The following BORCS5 variants were observed in gnomAD, a reference collection of about 807,000 sequenced individuals.
BORCS5 encodes BLOC-1-related complex subunit 5.
Under a neutral mutation model 22.1 loss-of-function variants are expected in BORCS5, and 17 were observed. That is an observed-to-expected ratio of 0.77 (90% CI 0.53 to 1.15). The LOEUF is 1.15. BORCS5 is among the 50% of genes most tolerant of loss of function. The probability of loss-of-function intolerance (pLI) is 0.00; values close to 1 mark genes in which losing one functional copy is unlikely to be tolerated. For synonymous variants in BORCS5, 117 were observed against 99.8 expected (o/e 1.17, Z -1.03); for missense variants, 247 against 253.2 (o/e 0.98, Z 0.17).
intron 3 of BORCS5, among the ~76,000 whole-genome samples, chr12:12,444,676 A>G (rs1472041851): frequency 6.6e-6 from 1 of 152,210 alleles, no homozygotes; most frequent in Middle Eastern, 3.2e-3. Flanking sequence ...GGCCTGATGC[A>G]AGGTTCCATG....
At chr12:12,438,360 C>CAAAAAAAA (rs57737663) in intron 3 of BORCS5, among the ~76,000 whole-genome samples, 621 of 23,720 alleles carry the variant, frequency 0.026, 26 homozygotes, top group Non-Finnish European at 0.032. Flanking sequence ...GATTTCATCT[C>CAAAAAAAA]AAAAAAAAAA....
intron 3 of BORCS5, among the ~76,000 whole-genome samples, chr12:12,451,828 G>A (rs1362178258): frequency 1.3e-5 from 2 of 151,382 alleles, no homozygotes; most frequent in African/African-American, 4.9e-5. Context: ...TGAGGCAGGA[G>A]AATGGCGTGA....
chr12:12,404,701 G>T (rs1368590268), intron 2 of BORCS5, among the ~76,000 whole-genome samples: 1 of 152,062 alleles, frequency 6.6e-6, no homozygotes, highest in Non-Finnish European at 1.5e-5. Context: ...GTTTTGGTTT[G>T]GTTTTTTGTT....
At chr12:12,426,585 G>A (rs1252504167) in intron 2 of BORCS5, among the ~76,000 whole-genome samples, 1 of 152,218 alleles carries the variant, frequency 6.6e-6, no homozygotes, top group Non-Finnish European at 1.5e-5. Context: ...GAAGGATGAA[G>A]TGCTTTTCAT....
rs546067835 is a variant in BORCS5 at position 12,392,855 on chromosome 12, C to T, written c.202+31506C>T. Among the ~76,000 whole-genome samples the T allele has an allele frequency of 5.3e-5, 8 of 152,142 alleles. No homozygotes were observed. In the East Asian group the frequency reaches 1.2e-3, roughly 22 times the overall value. On this transcript the variant is annotated intron_variant, in intron 2 of 3. Transcript: ENST00000314565. ...TCAAATCCTGTATCTATTTGGCACCCATGTAATATTAGAAGAGGGTTATAT... is the reference window on the plus strand; with the variant it reads ...TCAAATCCTGTATCTATTTGGCACCTATGTAATATTAGAAGAGGGTTATAT...
intron 2 of BORCS5, among the ~76,000 whole-genome samples, chr12:12,365,150 A>G (rs1184809882): frequency 1.3e-5 from 2 of 152,180 alleles, no homozygotes; most frequent in African/African-American, 2.4e-5. Flanking sequence ...AACATTGAGA[A>G]TAGGTGAGGA....
At chr12:12,421,259 A>C (rs1466080613) in intron 2 of BORCS5, among the ~76,000 whole-genome samples, 1 of 152,092 alleles carries the variant, frequency 6.6e-6, no homozygotes, top group African/African-American at 2.4e-5. Flanking sequence ...TTTAGCATGA[A>C]GCGCTGTTGA....
chr12:12,390,105 T>A (rs1177146330), intron 2 of BORCS5, among the ~76,000 whole-genome samples: 1 of 152,126 alleles, frequency 6.6e-6, no homozygotes, highest in East Asian at 1.9e-4. Context: ...ATCTTTTCAT[T>A]CCTTTAATGA....
At chr12:12,407,040 C>T (rs1022553133) in intron 2 of BORCS5, among the ~76,000 whole-genome samples, 2 of 152,314 alleles carry the variant, frequency 1.3e-5, no homozygotes, top group African/African-American at 4.8e-5. Context: ...GCAAGTGGGA[C>T]AAAGTGGGCT....
At chr12:12,412,451 T>C (rs1941760797) in intron 2 of BORCS5, among the ~76,000 whole-genome samples, 1 of 152,230 alleles carries the variant, frequency 6.6e-6, no homozygotes, top group Admixed American at 6.5e-5. Context: ...GCAACTGATT[T>C]TTGCATGTTG....
intron 2 of BORCS5, among the ~76,000 whole-genome samples, chr12:12,427,476 G>C (rs148179613): frequency 6.6e-6 from 1 of 152,114 alleles, no homozygotes; most frequent in African/African-American, 2.4e-5. Context: ...CACCGCGCCC[G>C]GCCAGACTTT....
intron 3 of BORCS5, chr12:12,452,580 A>C: frequency 1.3e-5 from 4 of 314,498 alleles, no homozygotes; most frequent in African/African-American, 2.2e-5. Context: ...TTCCCCACCC[A>C]CTCCCTCCCG....
chr12:12,434,924 G>T (rs998088618), intron 2 of BORCS5, among the ~76,000 whole-genome samples: 1 of 152,218 alleles, frequency 6.6e-6, no homozygotes. Context: ...CTTTGTGAAT[G>T]TGGGCATCAT....
At chr12:12,459,334 G>A (rs1943060023) in intron 3 of BORCS5, among the ~76,000 whole-genome samples, 2 of 150,620 alleles carry the variant, frequency 1.3e-5, no homozygotes, top group Non-Finnish European at 3.0e-5. Context: ...TTTAAAGACA[G>A]GGTTTTGCTC....
intron 2 of BORCS5, among the ~76,000 whole-genome samples, chr12:12,424,174 A>G (rs183757870): frequency 1.3e-5 from 2 of 152,244 alleles, no homozygotes; most frequent in East Asian, 3.9e-4. Flanking sequence ...CCCACAATGC[A>G]TACGGTTATC....
intron 2 of BORCS5, among the ~76,000 whole-genome samples, chr12:12,409,721 T>A (rs1396060795): frequency 1.3e-5 from 2 of 152,170 alleles, no homozygotes; most frequent in Non-Finnish European, 2.9e-5. Context: ...GCAGCATGAT[T>A]TATAATCCTT....
intron 2 of BORCS5, among the ~76,000 whole-genome samples, chr12:12,415,504 T>G (rs113427674): frequency 8.4e-6 from 1 of 118,438 alleles, no homozygotes; most frequent in Admixed American, 8.7e-5. Context: ...GCAGCAGTAC[T>G]GTCCAGCTTT....
At chr12:12,431,688 C>T (rs1045186469) in intron 2 of BORCS5, among the ~76,000 whole-genome samples, 2 of 151,956 alleles carry the variant, frequency 1.3e-5, no homozygotes, top group Admixed American at 1.3e-4. Context: ...GCGTGAGCCA[C>T]TGCGCCTGGC....
At chr12:12,434,851 C>T (rs1942520536) in intron 2 of BORCS5, among the ~76,000 whole-genome samples, 1 of 152,114 alleles carries the variant, frequency 6.6e-6, no homozygotes, top group Admixed American at 6.5e-5. Flanking sequence ...TGTAGAGGTT[C>T]TGATAATTGA....
Sources: allele counts gnomAD v4.1 joint callset (sites outside exome capture counted in the v4.1 genomes callset), GRCh38; gene constraint gnomAD v4.1.1; transcripts MANE v1.5; gene names NCBI Gene and HGNC (gene_info 2026-07-23, HGNC 2026-07-21).